The following ST8SIA1 variants were observed in gnomAD, a reference collection of about 807,000 sequenced individuals.
The protein encoded by ST8SIA1 is ST8 alpha-N-acetyl-neuraminide alpha-2,8-sialyltransferase 1.
Under a neutral mutation model 35.9 loss-of-function variants are expected in ST8SIA1, and 16 were observed. The ratio of observed to expected loss-of-function variants is 0.45; its 90% CI spans 0.30 to 0.68. The LOEUF (loss-of-function observed/expected upper bound fraction) is 0.68. Ranked by LOEUF, ST8SIA1 falls within the 30% of genes least tolerant of loss-of-function variation. The probability of loss-of-function intolerance (pLI) is 0.09; values close to 1 mark genes in which losing one functional copy is unlikely to be tolerated. For missense variants in ST8SIA1, 383 were observed against 453.6 expected (o/e 0.84, Z 1.41); for synonymous variants, 170 against 169.6 (o/e 1.00, Z -0.02).
At chr12:22,250,759 T>C (rs556363858) in intron 3 of ST8SIA1, 1 of 152,372 alleles carries the variant, frequency 6.6e-6, no homozygotes, top group Admixed American at 6.5e-5. Flanking sequence ...CAAGGCATCC[T>C]AGGCAGAAAC....
intron 1 of ST8SIA1, among the ~76,000 whole-genome samples, chr12:22,304,493 G>A (rs992703490): frequency 1.3e-5 from 2 of 152,092 alleles, no homozygotes; most frequent in African/African-American, 4.8e-5. Context: ...AACAGAGAAA[G>A]TGCCAGACTC....
At chr12:22,238,170 C>T (rs577401085) in intron 4 of ST8SIA1, among the ~76,000 whole-genome samples, 18 of 152,042 alleles carry the variant, frequency 1.2e-4, no homozygotes, top group African/African-American at 1.2e-4. Context: ...AACTCCCCCC[C>T]CAACAAGAGG....
In ST8SIA1 at chr12:22,239,548, T is replaced by C. The variant is rs1865516223; in HGVS notation, c.584+9458A>G. 4.6e-5 allele frequency among the ~76,000 whole-genome samples: 7 copies of C among 152,248 alleles called. No homozygotes were observed. The South Asian group carries it at 1.4e-3, about 31-fold the overall frequency. On this transcript the variant is annotated intron_variant, in intron 4 of 4. Coordinates refer to ENST00000396037, the MANE Select transcript of ST8SIA1 (RefSeq NM_003034.4). ...CCTATTTAATTTGGATATTCTCTTATTGGCTTCTCATTCTTTTTATTTTCT... is the reference window on the plus strand; with the variant it reads ...CCTATTTAATTTGGATATTCTCTTACTGGCTTCTCATTCTTTTTATTTTCT...
intron 4 of ST8SIA1, among the ~76,000 whole-genome samples, chr12:22,244,294 C>T (rs945109337): frequency 6.6e-6 from 1 of 152,036 alleles, no homozygotes; most frequent in Non-Finnish European, 1.5e-5. Context: ...ATCCATGTTA[C>T]ACCAGCCTGG....
At chr12:22,220,958 A>G (rs764123732) in intron 4 of ST8SIA1, among the ~76,000 whole-genome samples, 1 of 152,160 alleles carries the variant, frequency 6.6e-6, no homozygotes, top group Non-Finnish European at 1.5e-5. Context: ...CTCCATCAGT[A>G]CTTTTAGTGC....
chr12:22,249,023 G>A lies in ST8SIA1; in HGVS notation c.567C>T (p.Pro189=). 3.7e-6 allele frequency: 6 copies of A among 1,613,294 alleles called. No individual in the cohort carries two copies. The highest frequency in any genetic ancestry group is 5.1e-6 in the Non-Finnish European group (6 of 1,179,418). ...GSKSQLVTAN[P]SIIRQRFQNL... ...ACTCTTACCTTTGCCGAATTATGCT[G>A]GGATTAGCTGTCACTAACTGACTTT... Residue 189 remains proline (P), a synonymous_variant, in exon 4 of 5, where the codon CCC becomes CCT. Coordinates refer to ENST00000396037, the MANE Select transcript of ST8SIA1 (RefSeq NM_003034.4).
intron 1 of ST8SIA1, among the ~76,000 whole-genome samples, chr12:22,307,507 A>G (rs1866400503): frequency 6.6e-6 from 1 of 152,144 alleles, no homozygotes; most frequent in Admixed American, 6.5e-5. Context: ...CCAGTCTTCT[A>G]ACAGATGGGA....
chr12:22,325,419 T>C (rs1365124648), intron 1 of ST8SIA1: 1 of 701,856 alleles, frequency 1.4e-6, no homozygotes, highest in Non-Finnish European at 2.6e-6. Flanking sequence ...GCGACACAGC[T>C]CTTACGGTCT....
chr12:22,277,095 G>C (rs1298003742), intron 2 of ST8SIA1, among the ~76,000 whole-genome samples: 1 of 152,186 alleles, frequency 6.6e-6, no homozygotes, highest in Non-Finnish European at 1.5e-5. Context: ...GCCCAGTGTA[G>C]TTTCAGGTTC....
Position 22,199,132 on chromosome 12 carries a change from A to C in ST8SIA1, c.*2420T>G, listed in dbSNP as rs574546098. 1 of 150,530 alleles carries C rather than the reference A, an allele frequency of 6.6e-6. No homozygotes were observed. Among genetic ancestry groups the C allele is most frequent in the South Asian group, 2.1e-4 (1 of 4,718 alleles). The allele number at this position is 150,530 out of a possible 1,614,324, so 9.3% of individuals were successfully genotyped here. On this transcript the variant is annotated 3_prime_UTR_variant, in exon 5 of 5. Coordinates refer to ENST00000396037, the MANE Select transcript of ST8SIA1 (RefSeq NM_003034.4). The stretch of plus-strand genomic sequence containing the variant: ...CATCATAAAAAGATGAAAAATTTCC[A>C]CATAATATTTTCTTTCTTTTTCTTT...
intron 4 of ST8SIA1, among the ~76,000 whole-genome samples, chr12:22,212,934 C>T (rs368614696): frequency 3.3e-5 from 5 of 152,292 alleles, no homozygotes; most frequent in South Asian, 4.1e-4. Flanking sequence ...GTAACTTTCT[C>T]AATTGCTCCT....
At position 22,201,568 on chromosome 12, in the gene ST8SIA1, A is replaced by G. The variant is rs1276411155; in HGVS notation, c.1055T>C (p.Leu352Pro). 1 of 1,609,896 alleles carries G rather than the reference A, an allele frequency of 6.2e-7. No individual in the cohort carries two copies. Among genetic ancestry groups the G allele is most frequent in the Non-Finnish European group, 8.5e-7 (1 of 1,178,026 alleles). ...CCATTGTTCCTAGGAAGTGGGCTGG[A>G]GTGAGGTATCTTCACATGGGTCCAG... ...MQLDPCEDTS[L>P]QPTS is the part of the protein sequence containing the mutation. Residue 352 changes from leucine to proline, a missense_variant, in exon 5 of 5, where the codon CTC (leucine) becomes CCC (proline). By Grantham distance (98) the Leu-to-Pro change is moderately conservative. Coordinates refer to ENST00000396037, the MANE Select transcript of ST8SIA1 (RefSeq NM_003034.4).
chr12:22,314,047 G>A (rs1351018664), intron 1 of ST8SIA1, among the ~76,000 whole-genome samples: 1 of 152,118 alleles, frequency 6.6e-6, no homozygotes, highest in Non-Finnish European at 1.5e-5. Flanking sequence ...TTTGTCTGAG[G>A]AGGGATAAAG....
At chr12:22,314,694 C>T (rs933875733) in intron 1 of ST8SIA1, among the ~76,000 whole-genome samples, 1 of 152,070 alleles carries the variant, frequency 6.6e-6, no homozygotes, top group African/African-American at 2.4e-5. Context: ...TCTGTTGTGT[C>T]TGTTAGATCT....
intron 1 of ST8SIA1, among the ~76,000 whole-genome samples, chr12:22,296,917 G>A (rs982281902): frequency 3.3e-5 from 5 of 152,138 alleles, no homozygotes; most frequent in Admixed American, 6.5e-5. Flanking sequence ...AGACATGTGC[G>A]CAAGTAGCAG....
At chr12:22,209,422 A>G (rs1865152236) in intron 4 of ST8SIA1, among the ~76,000 whole-genome samples, 1 of 152,210 alleles carries the variant, frequency 6.6e-6, no homozygotes, top group African/African-American at 2.4e-5. Context: ...CTCGCATTCA[A>G]GTTATAACAA....
Position 22,286,385 on chromosome 12 carries a change from G to A in ST8SIA1, c.381+764C>T, listed in dbSNP as rs571040390. 4.2e-4 allele frequency: 214 copies of A among 510,840 alleles called. 6 individuals are homozygous for A. Among genetic ancestry groups the A allele is most frequent in the South Asian group, 2.9e-3 (200 of 69,584 alleles). The allele number at this position is 510,840 out of a possible 1,614,324, so 31.6% of individuals were successfully genotyped here. A position where few individuals can be genotyped will look rare whatever the true frequency, so the allele number is the denominator to read the frequency against. ...GAAAGATTCAGTCCCACTTTCTAAG[G>A]CTTAAAAATTCTCTTTCTGTACAAT... On this transcript the variant is annotated intron_variant, in intron 2 of 4. Transcript: ENST00000396037.
chr12:22,316,150 C>A (rs1005671384), intron 1 of ST8SIA1, among the ~76,000 whole-genome samples: 1 of 152,042 alleles, frequency 6.6e-6, no homozygotes, highest in African/African-American at 2.4e-5. Context: ...AAAATCTCAA[C>A]AAGAATCATT....
chr12:22,277,871 A>G (rs1413665876), intron 2 of ST8SIA1, among the ~76,000 whole-genome samples: 1 of 152,188 alleles, frequency 6.6e-6, no homozygotes, highest in Non-Finnish European at 1.5e-5. Context: ...ATTACCTGAG[A>G]TCAGGAATAG....
Sources: allele counts gnomAD v4.1 joint callset (sites outside exome capture counted in the v4.1 genomes callset), GRCh38; gene constraint gnomAD v4.1.1; transcripts MANE v1.5; gene names NCBI Gene and HGNC (gene_info 2026-07-23, HGNC 2026-07-21).